RNF187: variants seen among roughly 807,000 people sequenced by gnomAD.
RNF187 encodes the protein E3 ubiquitin-protein ligase RNF187.
Under a neutral mutation model 22.2 loss-of-function variants are expected in RNF187, and 18 were observed. The observed-to-expected ratio is 0.81, with a 90% CI of 0.56 to 1.20. The LOEUF (loss-of-function observed/expected upper bound fraction) is 1.20. Among genes scored for constraint, RNF187 ranks in the 50% most tolerant of loss-of-function variants. The pLI is 0.00. For missense variants in RNF187, 329 were observed against 317.6 expected, an observed-to-expected ratio of 1.04 and a Z score of -0.27; for synonymous variants, 164 against 140.9, an observed-to-expected ratio of 1.16 and a Z score of -1.16.
chr1:228,493,806 CT>C lies in RNF187; in HGVS notation c.706-73del. 6.8e-7 allele frequency: 1 copy of C among 1,473,828 alleles called. No individual in the cohort carries two copies. The allele number at this position is 1,473,828 out of a possible 1,614,324, so 91.3% of individuals were successfully genotyped here. Reference sequence around the variant, plus strand: ...TGTGCGCTCTCTCTTTCGCTCTCTCCTTTTGCCTCTGTCTCTGACTCTGTGT... The same window carrying C: ...TGTGCGCTCTCTCTTTCGCTCTCTCCTTTGCCTCTGTCTCTGACTCTGTGT... On this transcript the variant is annotated intron_variant, in intron 3 of 3. Transcript: ENST00000305943. The surrounding 1 kb of genome is among the most constrained non-coding windows in gnomAD (Gnocchi z 4.7).
At position 228,494,480 on chromosome 1, in the gene RNF187, C is replaced by G; in HGVS notation, c.*595C>G. 3 of 987,064 alleles carry G rather than the reference C, an allele frequency of 3.0e-6. No homozygotes were observed. The highest frequency in any genetic ancestry group is 3.6e-6 in the Non-Finnish European group (3 of 830,940). The allele number at this position is 987,064 out of a possible 1,614,324, so 61.1% of individuals were successfully genotyped here. A position where few individuals can be genotyped will look rare whatever the true frequency, so the allele number is the denominator to read the frequency against. On this transcript the variant is annotated 3_prime_UTR_variant, in exon 4 of 4. Coordinates refer to ENST00000305943, the MANE Select transcript of RNF187 (RefSeq NM_001010858.3). ...ATCCAAGTCGCTCTGTCCACCTCCC[C>G]CTTCCTGGCCCCCACCCCACTCCTG...
chr1:228,495,180 G>C lies in RNF187; in HGVS notation c.*1295G>C. On this transcript the variant is annotated 3_prime_UTR_variant, in exon 4 of 4. Transcript: ENST00000305943. ...ACGTAGCAGGGCAGGGGTTGGAGGA[G>C]CGAGGAGCAGTATAGGGTCCATGGG... is the stretch of plus-strand genomic sequence containing the variant. 5 of 355,018 alleles carry C rather than the reference G, an allele frequency of 1.4e-5. No homozygotes were observed. The highest frequency in any genetic ancestry group is 2.2e-5 in the African/African-American group (1 of 45,244). 22.0% of individuals were successfully genotyped at this position (355,018 alleles called of 1,614,324 possible). A position where few individuals can be genotyped will look rare whatever the true frequency, so the allele number is the denominator to read the frequency against.
At position 228,493,579 on chromosome 1, in the gene RNF187, A is replaced by G; in HGVS notation, c.706-304A>G. ...GGGGTCCTGAAGGCAGAAGCAGCCA[A>G]GAAACCCAACCTCAGGGCTTTTCTT... On this transcript the variant is annotated intron_variant, in intron 3 of 3. Transcript: ENST00000305943. This position sits in a 1 kb window ranked among gnomAD's most constrained non-coding sequence, Gnocchi z 4.7. Among the ~76,000 whole-genome samples, 4 of 152,244 alleles carry G rather than the reference A, an allele frequency of 2.6e-5. No homozygotes were observed. The highest frequency in any genetic ancestry group is 5.9e-5 in the Non-Finnish European group (4 of 68,032).
Position 228,495,668 on chromosome 1 carries a change from T to C in RNF187, c.*1783T>C. ...CCACATCACCAGGTCCGACAGTGGCTTCACCATCCTCACCTAACCTAGCTG... is the reference window on the plus strand; with the variant it reads ...CCACATCACCAGGTCCGACAGTGGCCTCACCATCCTCACCTAACCTAGCTG... On this transcript the variant is annotated 3_prime_UTR_variant, in exon 4 of 4. Transcript: ENST00000305943. 1 of 985,602 alleles carries C rather than the reference T, an allele frequency of 1.0e-6. No individual in the cohort carries two copies. Among genetic ancestry groups the C allele is most frequent in the East Asian group, 1.1e-4 (1 of 8,798 alleles). The allele number at this position is 985,602 out of a possible 1,614,324, so 61.1% of individuals were successfully genotyped here.
rs1032180601 is a variant in RNF187 at position 228,487,576 on chromosome 1, C to A, written c.88C>A (p.Arg30Ser). The change falls in exon 1 of 4, where the codon CGC becomes AGC. Residue 30 changes from arginine (R) to serine (S), a missense_variant. By Grantham distance (110) the Arg-to-Ser change is moderately radical. Coordinates refer to ENST00000305943, the MANE Select transcript of RNF187 (RefSeq NM_001010858.3). The stretch of plus-strand genomic sequence containing the variant: ...ACCGGTGCGCGCCGACTGCGGCCAC[C>A]GCTTCTGTCGGGCGTGCGTGGTGCG... 11 of 1,260,016 alleles carry A rather than the reference C, an allele frequency of 8.7e-6. No homozygotes were observed. The Admixed American group carries it at 2.8e-4, about 32-fold the overall frequency. The allele number at this position is 1,260,016 out of a possible 1,614,324, so 78.1% of individuals were successfully genotyped here.
At chr1:228,490,158 A>T in intron 2 of RNF187, among the ~76,000 whole-genome samples, 1 of 152,230 alleles carries the variant, frequency 6.6e-6, no homozygotes. Context: ...CTCTTGGGTA[A>T]CTGGCTGCAT....
At chr1:228,492,821 C>A in intron 2 of RNF187, among the ~76,000 whole-genome samples, 1 of 151,668 alleles carries the variant, frequency 6.6e-6, no homozygotes, top group Non-Finnish European at 1.5e-5. Context: ...GACGGGGTTT[C>A]ACCATGTTGG....
In RNF187 at chr1:228,494,667, C is replaced by T; in HGVS notation, c.*782C>T. 1.0e-6 allele frequency: 1 copy of T among 985,558 alleles called. No individual in the cohort carries two copies. Among genetic ancestry groups the T allele is most frequent in the African/African-American group, 1.7e-5 (1 of 57,260 alleles). 61.1% of individuals were successfully genotyped at this position (985,558 alleles called of 1,614,324 possible). A position where few individuals can be genotyped will look rare whatever the true frequency, so the allele number is the denominator to read the frequency against. On this transcript the variant is annotated 3_prime_UTR_variant, in exon 4 of 4. Transcript: ENST00000305943. ...GCTGTTATCTCTAGCTCTTTCCCTCCTCCCATTTCCTTTAGTAGTTGAATT... is the reference window on the plus strand; with the variant it reads ...GCTGTTATCTCTAGCTCTTTCCCTCTTCCCATTTCCTTTAGTAGTTGAATT...
chr1:228,495,149 AC>A lies in RNF187; in HGVS notation c.*1268del. On this transcript the variant is annotated 3_prime_UTR_variant, in exon 4 of 4. Transcript: ENST00000305943. Reference sequence around the variant, plus strand: ...GGGGCCTGGGGGGAGATGGGGCTCCACCCCGACGTAGCAGGGCAGGGGTTGG... The same window carrying A: ...GGGGCCTGGGGGGAGATGGGGCTCCACCCGACGTAGCAGGGCAGGGGTTGG... The A allele has an allele frequency of 5.4e-6, 3 of 556,192 alleles. No individual in the cohort carries two copies. Among genetic ancestry groups the A allele is most frequent in the Non-Finnish European group, 6.8e-6 (3 of 438,034 alleles). 34.5% of individuals were successfully genotyped at this position (556,192 alleles called of 1,614,324 possible).
chr1:228,487,494 G>A lies in RNF187; in HGVS notation c.6G>A (p.Ala2=). 2 of 1,127,680 alleles carry A rather than the reference G, an allele frequency of 1.8e-6. No homozygotes were observed. Among genetic ancestry groups the A allele is most frequent in the Non-Finnish European group, 2.2e-6 (2 of 923,952 alleles). 69.9% of individuals were successfully genotyped at this position (1,127,680 alleles called of 1,614,324 possible). A position where few individuals can be genotyped will look rare whatever the true frequency, so the allele number is the denominator to read the frequency against. ...CGGCCCCGCCGCCCGCAGCCCTGGC[G>A]CTCCCTGCGGGCCCCGCCGAGGCCG... Residue 2 remains alanine, a synonymous_variant, in exon 1 of 4, where the codon GCG becomes GCA. Transcript: ENST00000305943.
At chr1:228,489,287 C>T in intron 2 of RNF187, among the ~76,000 whole-genome samples, 1 of 152,118 alleles carries the variant, frequency 6.6e-6, no homozygotes, top group African/African-American at 2.4e-5. Context: ...CACATTTTAC[C>T]TGTAGGTGAT....
chr1:228,487,438 C>T lies in RNF187; in HGVS notation c.-51C>T. 1 of 1,095,362 alleles carries T rather than the reference C, an allele frequency of 9.1e-7. No homozygotes were observed. The highest frequency in any genetic ancestry group is 1.1e-6 in the Non-Finnish European group (1 of 902,270). 67.9% of individuals were successfully genotyped at this position (1,095,362 alleles called of 1,614,324 possible). On this transcript the variant is annotated 5_prime_UTR_variant, in exon 1 of 4. Coordinates refer to ENST00000305943, the MANE Select transcript of RNF187 (RefSeq NM_001010858.3). ...TCCGGTCGCCGGCCGTCTAGGTCTC[C>T]GGCCCTCCCCAGCCGCTCCTGCGCC... is the stretch of plus-strand genomic sequence containing the variant.
Position 228,487,828 on chromosome 1 carries a change from C to A in RNF187, c.340C>A (p.Pro114Thr). The stretch of plus-strand genomic sequence containing the variant: ...CGCCGCCTGCCGTATGGCTGCGGGC[C>A]CCGAGCCGCCCGAGTGGGAACCGCG... The change falls in exon 1 of 4, where the codon CCC becomes ACC. Residue 114 changes from proline (P) to threonine (T), a missense_variant. Physicochemically the swap from Pro to Thr is conservative, Grantham distance 38. Transcript: ENST00000305943. 1.6e-6 allele frequency: 2 copies of A among 1,218,304 alleles called. No individual in the cohort carries two copies. Among genetic ancestry groups the A allele is most frequent in the Non-Finnish European group, 1.0e-6 (1 of 973,944 alleles). 75.5% of individuals were successfully genotyped at this position (1,218,304 alleles called of 1,614,324 possible). A position where few individuals can be genotyped will look rare whatever the true frequency, so the allele number is the denominator to read the frequency against.
In RNF187 at chr1:228,492,618, CTTTTTTTTTTT is replaced by C; in HGVS notation, c.484-420_484-410del. 8.1e-5 allele frequency among the ~76,000 whole-genome samples: 5 copies of C among 62,110 alleles called. No individual in the cohort carries two copies. The South Asian group carries it at 2.4e-3, about 29-fold the overall frequency. 40.7% of individuals were successfully genotyped at this position (62,110 alleles called of 152,430 possible). A position where few individuals can be genotyped will look rare whatever the true frequency, so the allele number is the denominator to read the frequency against. On this transcript the variant is annotated intron_variant, in intron 2 of 3. Transcript: ENST00000305943. ...TATAGGCGTGAGCCCCCGTGCCTGG[CTTTTTTTTTTT>C]TTTTTTTTTTTTTTGAGATGGAGTC...
In RNF187 at chr1:228,489,730, T is replaced by C; in HGVS notation, c.483+678T>C. On this transcript the variant is annotated intron_variant, in intron 2 of 3. Coordinates refer to ENST00000305943, the MANE Select transcript of RNF187 (RefSeq NM_001010858.3). ...TTCCTGGTTCATAGATGGTGTCTTCTCACTGTGTCCTCACATGGTGGAAGA... is the reference window on the plus strand; with the variant it reads ...TTCCTGGTTCATAGATGGTGTCTTCCCACTGTGTCCTCACATGGTGGAAGA... Among the ~76,000 whole-genome samples the C allele has an allele frequency of 5.0e-3, 756 of 152,002 alleles. 7 individuals carry two copies. The highest frequency in any genetic ancestry group is 0.017 in the African/African-American group (714 of 41,422).
At position 228,489,061 on chromosome 1, in the gene RNF187, G is replaced by C; in HGVS notation, c.483+9G>C. ...CAGCTGCAGTGTGGAAGGCAAGTGG[G>C]GGGACCTGGGGCAGCCTGGAATGAG... On this transcript the variant is annotated intron_variant, in intron 2 of 3. Coordinates refer to ENST00000305943, the MANE Select transcript of RNF187 (RefSeq NM_001010858.3). 1 of 1,543,734 alleles carries C rather than the reference G, an allele frequency of 6.5e-7. No individual in the cohort carries two copies. Among genetic ancestry groups the C allele is most frequent in the South Asian group, 1.2e-5 (1 of 84,014 alleles).
In RNF187 at chr1:228,488,965, C is replaced by T. The variant is rs1160226558; in HGVS notation, c.396C>T (p.Asn132=). Residue 132 remains asparagine, a synonymous_variant, in exon 2 of 4, where the codon AAC becomes AAT. Transcript: ENST00000305943. ...TGACCTTCTTTTCTTTACAGGAGAA[C>T]AAGGGGTCTGTGGAAATCATGAGAA... The T allele has an allele frequency of 1.0e-5, 16 of 1,551,028 alleles. No homozygotes were observed. In the South Asian group the frequency reaches 1.8e-4, roughly 17 times the overall value.
chr1:228,494,209 C>T lies in RNF187; in HGVS notation c.*324C>T. 9.8e-6 allele frequency: 13 copies of T among 1,329,442 alleles called. No individual in the cohort carries two copies. The highest frequency in any genetic ancestry group is 1.7e-5 in the South Asian group (1 of 60,058). The allele number at this position is 1,329,442 out of a possible 1,614,324, so 82.4% of individuals were successfully genotyped here. A position where few individuals can be genotyped will look rare whatever the true frequency, so the allele number is the denominator to read the frequency against. On this transcript the variant is annotated 3_prime_UTR_variant, in exon 4 of 4. Coordinates refer to ENST00000305943, the MANE Select transcript of RNF187 (RefSeq NM_001010858.3). ...CTTCCCTGGTCACCCATCTGCCCCTCACCTCGTCATCCAGGGACCCAGACC... is the reference window on the plus strand; with the variant it reads ...CTTCCCTGGTCACCCATCTGCCCCTTACCTCGTCATCCAGGGACCCAGACC...
chr1:228,494,119 C>A lies in RNF187; in HGVS notation c.*234C>A. Reference sequence around the variant, plus strand: ...CCTGAGGACCCTTCCCACCTGTGCCCGTCCCTTCCTGAAGTCCTAGCCACA... The same window carrying A: ...CCTGAGGACCCTTCCCACCTGTGCCAGTCCCTTCCTGAAGTCCTAGCCACA... On this transcript the variant is annotated 3_prime_UTR_variant, in exon 4 of 4. Transcript: ENST00000305943. The A allele has an allele frequency of 6.9e-7, 1 of 1,440,318 alleles. No individual in the cohort carries two copies. The highest frequency in any genetic ancestry group is 1.4e-5 in the African/African-American group (1 of 70,058). The allele number at this position is 1,440,318 out of a possible 1,614,324, so 89.2% of individuals were successfully genotyped here.
Sources: allele counts gnomAD v4.1 joint callset (sites outside exome capture counted in the v4.1 genomes callset), GRCh38; gene constraint gnomAD v4.1.1; non-coding constraint Gnocchi (gnomAD v3.1); transcripts MANE v1.5; gene names NCBI Gene and HGNC (gene_info 2026-07-23, HGNC 2026-07-21).